The following ROCK2 variants were observed in gnomAD, a reference collection of about 807,000 sequenced individuals.
ROCK2 encodes rho-associated protein kinase 2.
ROCK2 carries 61 observed loss-of-function variants against 195.1 expected under a neutral mutation model. The ratio of observed to expected loss-of-function variants is 0.31; its 90% CI spans 0.25 to 0.39. The LOEUF is 0.39. ROCK2 is among the 10% of genes least tolerant of loss of function. The probability of loss-of-function intolerance (pLI) is 1.00; values close to 1 mark genes in which losing one functional copy is unlikely to be tolerated. For synonymous variants in ROCK2, 504 were observed against 545.5 expected (o/e 0.92, Z 1.06); for missense variants, 1,109 against 1,637.4 (o/e 0.68, Z 5.57).
intron 1 of ROCK2, among the ~76,000 whole-genome samples, chr2:11,335,400 A>G (rs1668899981): frequency 6.6e-6 from 1 of 152,200 alleles, no homozygotes; most frequent in African/African-American, 2.4e-5. Flanking sequence ...TTTCACATCA[A>G]TTTATTAAAC....
chr2:11,210,214 A>G (rs1436226827), intron 18 of ROCK2, among the ~76,000 whole-genome samples: 1 of 151,840 alleles, frequency 6.6e-6, no homozygotes, highest in East Asian at 1.9e-4. Flanking sequence ...CATTTTTATC[A>G]ATTCAGAGAA....
chr2:11,213,774 C>T (rs1237963520), intron 17 of ROCK2, among the ~76,000 whole-genome samples: 2 of 151,878 alleles, frequency 1.3e-5, no homozygotes, highest in Non-Finnish European at 2.9e-5. Flanking sequence ...ATACCCTGTC[C>T]ATAAGTCTTA....
At position 11,207,862 on chromosome 2, in the gene ROCK2, G is replaced by C; in HGVS notation, c.2413C>G (p.Leu805Val). 8 of 1,603,236 alleles carry C rather than the reference G, an allele frequency of 5.0e-6. No individual in the cohort carries two copies. The highest frequency in any genetic ancestry group is 6.8e-6 in the Non-Finnish European group (8 of 1,174,114). Residue 805 changes from leucine (L) to valine (V), a missense_variant, in exon 20 of 33, where the codon CTT becomes GTT. By Grantham distance (32) the Leu-to-Val change is conservative (BLOSUM62 1). Transcript: ENST00000315872. ...TGCATCTTCAGGTCATTTTGTGTAA[G>C]GCAGCGCTTCTGAGTTTCTTGCTCT... ...KIEQETQKRC[L>V]TQNDLKMQTQ...
intron 1 of ROCK2, among the ~76,000 whole-genome samples, chr2:11,340,024 A>G (rs1669054560): frequency 6.6e-6 from 1 of 152,230 alleles, no homozygotes; most frequent in South Asian, 2.1e-4. Flanking sequence ...AATAAAAAAC[A>G]AAAAAGTTAG....
At chr2:11,320,764 C>G (rs754482581) in intron 1 of ROCK2, among the ~76,000 whole-genome samples, 1 of 152,100 alleles carries the variant, frequency 6.6e-6, no homozygotes, top group African/African-American at 2.4e-5. Context: ...CAAAGTGAGC[C>G]CTATCATGGC....
At chr2:11,202,245 A>T (rs981890601) in intron 20 of ROCK2, 124 bp from the exon 21 acceptor site, 9 of 780,286 alleles carry the variant, frequency 1.2e-5, no homozygotes, top group Non-Finnish European at 2.0e-5. Flanking sequence ...CCATAAGGTC[A>T]AATCATTTTC....
chr2:11,207,820 T>C lies in ROCK2; in HGVS notation c.2455A>G (p.Thr819Ala). ...AACTGCTTTTCTGACATTTTTAGTG[T>C]GTTAACCTGTTGTGTTTGCATCTTC... ...DLKMQTQQVNTLKMSEKQLKQ... is the reference protein window; with the variant it reads ...DLKMQTQQVNALKMSEKQLKQ... The change falls in exon 20 of 33, where the codon ACA (threonine) becomes GCA (alanine). Residue 819 changes from threonine (T) to alanine (A), a missense_variant. Physicochemically the swap from Thr to Ala is moderately conservative, Grantham distance 58. Transcript: ENST00000315872. 6.2e-7 allele frequency: 1 copy of C among 1,612,592 alleles called. No individual in the cohort carries two copies. Among genetic ancestry groups the C allele is most frequent in the Non-Finnish European group, 8.5e-7 (1 of 1,178,942 alleles).
intron 3 of ROCK2, among the ~76,000 whole-genome samples, chr2:11,266,998 TTC>T (rs1347249436): frequency 6.6e-6 from 1 of 152,244 alleles, no homozygotes; most frequent in Non-Finnish European, 1.5e-5. Context: ...TTCCTTTTTC[TTC>T]TCTTTCCTTT....
At chr2:11,203,198 G>A (rs1452882299) in intron 20 of ROCK2, among the ~76,000 whole-genome samples, 1 of 151,986 alleles carries the variant, frequency 6.6e-6, no homozygotes, top group Non-Finnish European at 1.5e-5. Flanking sequence ...ATTAAATTCT[G>A]GCCTTATTTT....
chr2:11,279,597 C>T (rs1666933648), intron 3 of ROCK2, among the ~76,000 whole-genome samples: 1 of 152,232 alleles, frequency 6.6e-6, no homozygotes, highest in Admixed American at 6.5e-5. Context: ...GACTTTGACA[C>T]TGCTCTATCA....
At chr2:11,283,894 A>T (rs934510497) in intron 3 of ROCK2, among the ~76,000 whole-genome samples, 1 of 152,240 alleles carries the variant, frequency 6.6e-6, no homozygotes, top group Non-Finnish European at 1.5e-5. Context: ...ATGATCCAGC[A>T]ATCAAGATCC....
chr2:11,258,052 CTTTTT>C (rs34888376), intron 3 of ROCK2, among the ~76,000 whole-genome samples: 1 of 147,758 alleles, frequency 6.8e-6, no homozygotes, highest in Non-Finnish European at 1.5e-5. Flanking sequence ...TAAGGAGGAA[CTTTTT>C]TTTTTAAGAA....
chr2:11,244,442 T>C (rs1316834108), intron 4 of ROCK2, among the ~76,000 whole-genome samples: 1 of 152,160 alleles, frequency 6.6e-6, no homozygotes, highest in Non-Finnish European at 1.5e-5. Flanking sequence ...ATTTGAAATT[T>C]ATCATAATAC....
At chr2:11,210,386 C>CA (rs1664207565) in intron 18 of ROCK2, among the ~76,000 whole-genome samples, 1 of 151,334 alleles carries the variant, frequency 6.6e-6, no homozygotes, top group African/African-American at 2.4e-5. Context: ...GTGATGCAAT[C>CA]ATGGCTCACT....
chr2:11,224,597 G>A (rs1412280559), intron 6 of ROCK2, 137 bp from the exon 7 acceptor site: 2 of 730,360 alleles, frequency 2.7e-6, no homozygotes, highest in Non-Finnish European at 4.6e-6. Context: ...CAGAGTCCCA[G>A]TCAAAACAAC....
chr2:11,214,396 C>A lies in ROCK2; in HGVS notation c.2004G>T (p.Glu668Asp). The change falls in exon 17 of 33, where the codon GAG (glutamate) becomes GAT (aspartate). Residue 668 changes from glutamate (E) to aspartate (D), a missense_variant. Coordinates refer to ENST00000315872, the MANE Select transcript of ROCK2 (RefSeq NM_004850.5). ...TAAATCTCTCCTGAAGTTGTCTCTT[C>A]TCCAGTTCTACTTTCGCTAGTAAGA... is the stretch of plus-strand genomic sequence containing the variant. ...GKILLAKVEL[E>D]KRQLQERFTD... 6.2e-7 allele frequency: 1 copy of A among 1,608,190 alleles called. No individual in the cohort carries two copies. Among genetic ancestry groups the A allele is most frequent in the Non-Finnish European group, 8.5e-7 (1 of 1,175,262 alleles).
intron 5 of ROCK2, among the ~76,000 whole-genome samples, chr2:11,232,439 A>G (rs769591255): frequency 6.6e-5 from 10 of 152,198 alleles, no homozygotes; most frequent in Non-Finnish European, 1.2e-4. Flanking sequence ...AAAACTATGG[A>G]CATTTCTAAT....
intron 1 of ROCK2, among the ~76,000 whole-genome samples, chr2:11,294,203 A>G (rs768719432): frequency 2.7e-4 from 41 of 152,052 alleles, no homozygotes; most frequent in Non-Finnish European, 4.9e-4. Context: ...AGAGAAAGAA[A>G]AGAAAGGAAA....
chr2:11,328,809 T>C (rs1335573537), intron 1 of ROCK2, among the ~76,000 whole-genome samples: 2 of 150,822 alleles, frequency 1.3e-5, no homozygotes, highest in African/African-American at 4.9e-5. Flanking sequence ...CAGTAAACTA[T>C]CGCAAGGACA....
Sources: allele counts gnomAD v4.1 joint callset (sites outside exome capture counted in the v4.1 genomes callset), GRCh38; gene constraint gnomAD v4.1.1; transcripts MANE v1.5; gene names NCBI Gene and HGNC (gene_info 2026-07-23, HGNC 2026-07-21).